MACROD2: variants seen among roughly 807,000 people sequenced by gnomAD.
MACROD2 encodes ADP-ribose glycohydrolase MACROD2.
A neutral mutation model predicts 70.4 loss-of-function variants in MACROD2; 36 were observed. The observed-to-expected ratio is 0.51, with a 90% CI of 0.39 to 0.68. The LOEUF (loss-of-function observed/expected upper bound fraction) is 0.68, where lower values mean the gene tolerates loss of function less well. Among genes scored for constraint, MACROD2 ranks in the 30% least tolerant of loss-of-function variants. MACROD2 has a pLI of 0.00. For missense variants in MACROD2, 496 were observed against 538.4 expected (o/e 0.92, Z 0.78); for synonymous variants, 172 against 178.8 (o/e 0.96, Z 0.30).
In MACROD2 at chr20:15,036,152, TTTTTCA is replaced by T. The variant is rs375975834; in HGVS notation, c.419-193785_419-193780del. Among the ~76,000 whole-genome samples, 624 of 152,334 alleles carry T rather than the reference TTTTTCA, an allele frequency of 4.1e-3. 5 individuals are homozygous for T. The highest frequency in any genetic ancestry group is 0.015 in the African/African-American group (604 of 41,578). ...TCTCTAGTTAGTTCTAATAGATTTC[TTTTTCA>T]TTAGAACTTGCTTCTCAAAAATTAT... On this transcript the variant is annotated intron_variant, in intron 5 of 17. Transcript: ENST00000684519.
At chr20:14,164,605 G>C (rs2055239184) in intron 3 of MACROD2, among the ~76,000 whole-genome samples, 2 of 152,026 alleles carry the variant, frequency 1.3e-5, no homozygotes, top group Non-Finnish European at 2.9e-5. Flanking sequence ...GGGTGGGCCT[G>C]TCTCCAGGGC....
chr20:15,213,092 T>C (rs1182929787), intron 5 of MACROD2, among the ~76,000 whole-genome samples: 1 of 152,200 alleles, frequency 6.6e-6, no homozygotes. Flanking sequence ...AACAAGGGTA[T>C]GGCTGTAGCC....
chr20:14,220,299 C>G (rs991519216), intron 3 of MACROD2, among the ~76,000 whole-genome samples: 2 of 151,978 alleles, frequency 1.3e-5, no homozygotes, highest in African/African-American at 2.4e-5. Flanking sequence ...TGCAGGTTGT[C>G]AGGGAAGTTG....
In MACROD2 at chr20:14,675,636, A is replaced by T. The variant is rs557930213; in HGVS notation, c.302-9207A>T. Among the ~76,000 whole-genome samples the T allele has an allele frequency of 9.5e-4, 145 of 152,348 alleles. 2 individuals carry two copies. In the South Asian group the frequency reaches 0.012, roughly 13 times the overall value. ...TAAAGACCATCAACACTATGAAGAA[A>T]CTGCATCAACAAATGGGCAAAATAA... On this transcript the variant is annotated intron_variant, in intron 4 of 17. Transcript: ENST00000684519.
chr20:14,918,616 T>G (rs962800704), intron 5 of MACROD2, among the ~76,000 whole-genome samples: 6 of 146,428 alleles, frequency 4.1e-5, no homozygotes, highest in African/African-American at 1.6e-4. Flanking sequence ...GTGTTTTTTT[T>G]GTTTTTTTTT....
At chr20:15,237,095 T>C (rs995056198) in intron 6 of MACROD2, among the ~76,000 whole-genome samples, 1 of 152,154 alleles carries the variant, frequency 6.6e-6, no homozygotes, top group African/African-American at 2.4e-5. Flanking sequence ...GGGAAAACTG[T>C]CCCTCCTCCC....
chr20:14,711,999 G>T (rs1254107388), intron 5 of MACROD2, among the ~76,000 whole-genome samples: 8 of 152,124 alleles, frequency 5.3e-5, no homozygotes, highest in Admixed American at 4.6e-4. Flanking sequence ...GAGGTTTAAT[G>T]AAACTAGAAA....
intron 4 of MACROD2, among the ~76,000 whole-genome samples, chr20:14,511,457 T>C (rs1345591717): frequency 6.6e-6 from 1 of 152,012 alleles, no homozygotes; most frequent in African/African-American, 2.4e-5. Flanking sequence ...ATGTGCATAC[T>C]CTTTAGGAAA....
intron 5 of MACROD2, among the ~76,000 whole-genome samples, chr20:14,881,838 C>A (rs913682633): frequency 6.6e-6 from 1 of 152,112 alleles, no homozygotes; most frequent in Admixed American, 6.5e-5. Flanking sequence ...AAATTCTGAT[C>A]CAATTCAAGT....
At chr20:15,066,737 G>C (rs753621385) in intron 5 of MACROD2, among the ~76,000 whole-genome samples, 1 of 151,814 alleles carries the variant, frequency 6.6e-6, no homozygotes, top group Non-Finnish European at 1.5e-5. Flanking sequence ...AAAAAATTAT[G>C]CAGGCGTGGT....
At position 15,189,244 on chromosome 20, in the gene MACROD2, A is replaced by ATT. The variant is rs760108211; in HGVS notation, c.419-40683_419-40682dup. Among the ~76,000 whole-genome samples the ATT allele has an allele frequency of 4.7e-4, 66 of 141,390 alleles. 1 individual carries two copies. In the Middle Eastern group the frequency reaches 0.011, roughly 24 times the overall value. 92.8% of individuals were successfully genotyped at this position (141,390 alleles called of 152,430 possible). A position where few individuals can be genotyped will look rare whatever the true frequency, so the allele number is the denominator to read the frequency against. On this transcript the variant is annotated intron_variant, in intron 5 of 17. Coordinates refer to ENST00000684519, the MANE Select transcript of MACROD2 (RefSeq NM_001351661.2). ...ATGAACAGGGCAGAAACCAGGACTT[A>ATT]TTTTTTTTTTTTTTCCATGACCAAC...
intron 5 of MACROD2, among the ~76,000 whole-genome samples, chr20:14,946,201 A>C (rs1032339809): frequency 6.0e-5 from 9 of 149,260 alleles, no homozygotes; most frequent in Admixed American, 6.0e-4. Context: ...CTCTGTCTCA[A>C]AAAAAAAAAA....
At chr20:14,436,343 C>G (rs951954471) in intron 3 of MACROD2, among the ~76,000 whole-genome samples, 1 of 152,126 alleles carries the variant, frequency 6.6e-6, no homozygotes, top group Non-Finnish European at 1.5e-5. Flanking sequence ...AAACAATGTA[C>G]CTTCCATATC....
At chr20:15,365,990 ACTTG>A (rs2045403473) in intron 6 of MACROD2, among the ~76,000 whole-genome samples, 1 of 152,232 alleles carries the variant, frequency 6.6e-6, no homozygotes, top group Non-Finnish European at 1.5e-5. Flanking sequence ...AAAAACCTTT[ACTTG>A]CTTTAAACTT....
rs114844588 is a variant in MACROD2, at chr20:15,064,308, A to G, written c.419-165632A>G. The stretch of plus-strand genomic sequence containing the variant: ...TTTAGAGGCAAAGCTAGAAGCTGCA[A>G]GGCCACCCCAGAACCACCAAGCCCA... On this transcript the variant is annotated intron_variant, in intron 5 of 17. Transcript: ENST00000684519. Among the ~76,000 whole-genome samples the G allele has an allele frequency of 8.2e-3, 1,253 of 152,224 alleles. 15 individuals carry two copies. The highest frequency in any genetic ancestry group is 0.029 in the African/African-American group (1,203 of 41,546).
chr20:15,533,552 T>G (rs1396889282), intron 8 of MACROD2, among the ~76,000 whole-genome samples: 5 of 73,116 alleles, frequency 6.8e-5, no homozygotes, highest in East Asian at 9.2e-4. Flanking sequence ...TCGCTCTCTC[T>G]CTCTCTCTCT....
chr20:14,005,457 G>A (rs943573393), intron 2 of MACROD2, among the ~76,000 whole-genome samples: 1 of 152,110 alleles, frequency 6.6e-6, no homozygotes, highest in Non-Finnish European at 1.5e-5. Flanking sequence ...TTGCTATGTT[G>A]TGGGGATTTT....
chr20:14,321,131 G>A (rs1246431985), intron 3 of MACROD2, among the ~76,000 whole-genome samples: 1 of 152,130 alleles, frequency 6.6e-6, no homozygotes, highest in Non-Finnish European at 1.5e-5. Context: ...TTGGGAGGCT[G>A]AGGTGGGTGG....
intron 5 of MACROD2, among the ~76,000 whole-genome samples, chr20:14,878,595 CT>C (rs965951251): frequency 1.3e-5 from 2 of 152,120 alleles, no homozygotes; most frequent in African/African-American, 4.8e-5. Flanking sequence ...ATATCATTTG[CT>C]TAAATTAGTT....
Sources: allele counts gnomAD v4.1 joint callset (sites outside exome capture counted in the v4.1 genomes callset), GRCh38; gene constraint gnomAD v4.1.1; transcripts MANE v1.5; gene names NCBI Gene and HGNC (gene_info 2026-07-23, HGNC 2026-07-21).